HMGA2: variants seen among roughly 807,000 people sequenced by gnomAD.
HMGA2 encodes the protein high mobility group AT-hook 2.
Under a neutral mutation model 19.1 loss-of-function variants are expected in HMGA2, and 8 were observed. That is an observed-to-expected ratio of 0.42 (90% confidence interval 0.25 to 0.76). The LOEUF (loss-of-function observed/expected upper bound fraction) is 0.76. Ranked by LOEUF, HMGA2 falls within the 30% of genes least tolerant of loss-of-function variation. The probability of loss-of-function intolerance (pLI) is 0.28; values close to 1 mark genes in which losing one functional copy is unlikely to be tolerated. For synonymous variants in HMGA2, 60 were observed against 48.8 expected, an observed-to-expected ratio of 1.23 and a Z score of -0.96; for missense variants, 109 against 136.3, an observed-to-expected ratio of 0.80 and a Z score of 1.00.
chr12:65,870,461 T>C (rs549399655), intron 3 of HMGA2, among the ~76,000 whole-genome samples: 1 of 152,326 alleles, frequency 6.6e-6, no homozygotes, highest in Admixed American at 6.5e-5. Context: ...GCAGGCGTGG[T>C]GGCTCACACC....
intron 3 of HMGA2, among the ~76,000 whole-genome samples, chr12:65,849,599 C>A (rs1261247763): frequency 6.6e-6 from 1 of 152,050 alleles, no homozygotes; most frequent in Non-Finnish European, 1.5e-5. Context: ...CATTCCCAGT[C>A]CTAATTCTCC....
rs1397324838 is a variant in HMGA2, at chr12:65,963,413, G to C, written c.*121G>C. 2 of 349,058 alleles carry C rather than the reference G, an allele frequency of 5.7e-6. No homozygotes were observed. The highest frequency in any genetic ancestry group is 8.2e-5 in the Admixed American group (2 of 24,344). 21.6% of individuals were successfully genotyped at this position (349,058 alleles called of 1,614,324 possible). ...TTCCACTTTCATCTGGGGTGGGGTGGGGTGGGGTGGGGGAGGGGGGGGTGG... is the reference window on the plus strand; with the variant it reads ...TTCCACTTTCATCTGGGGTGGGGTGCGGTGGGGTGGGGGAGGGGGGGGTGG... On this transcript the variant is annotated 3_prime_UTR_variant, in exon 5 of 5. Transcript: ENST00000403681.
intron 3 of HMGA2, among the ~76,000 whole-genome samples, chr12:65,869,205 GGAAATTACCATCACCATCATCAT>G (rs1232134871): frequency 2.6e-5 from 4 of 152,088 alleles, no homozygotes; most frequent in Non-Finnish European, 5.9e-5. Flanking sequence ...ATTTAAATTA[GGAAATTACCATCACCATCATCAT>G]GTACATTCAT....
chr12:65,945,173 T>A (rs1372327312), intron 3 of HMGA2, among the ~76,000 whole-genome samples: 1 of 151,970 alleles, frequency 6.6e-6, no homozygotes, highest in African/African-American at 2.4e-5. Context: ...TTTTGTCTGC[T>A]TTCTGTTGTA....
intron 4 of HMGA2, 53 bp downstream of exon 4, chr12:65,951,468 T>C (rs1204278135): frequency 1.2e-5 from 14 of 1,158,516 alleles, no homozygotes; most frequent in Non-Finnish European, 1.8e-5. Flanking sequence ...AAGTGAAATA[T>C]GTACTGAAAA....
intron 3 of HMGA2, among the ~76,000 whole-genome samples, chr12:65,845,391 C>A (rs528252677): frequency 6.6e-6 from 1 of 152,164 alleles, no homozygotes; most frequent in African/African-American, 2.4e-5. Context: ...ATCTCAGCCT[C>A]CTGAGTAGCT....
intron 3 of HMGA2, among the ~76,000 whole-genome samples, chr12:65,927,915 A>C: frequency 6.8e-6 from 1 of 147,148 alleles, no homozygotes; most frequent in South Asian, 2.1e-4. Flanking sequence ...ATGTATATAC[A>C]TACATATTTC....
At chr12:65,903,592 G>A (rs1251034973) in intron 3 of HMGA2, among the ~76,000 whole-genome samples, 1 of 152,150 alleles carries the variant, frequency 6.6e-6, no homozygotes, top group Non-Finnish European at 1.5e-5. Context: ...ACTGTGAGAA[G>A]GATCCAAGGT....
intron 3 of HMGA2, among the ~76,000 whole-genome samples, chr12:65,847,851 T>C (rs1871293356): frequency 6.6e-6 from 1 of 152,232 alleles, no homozygotes; most frequent in Non-Finnish European, 1.5e-5. Flanking sequence ...AGTTTTTCTT[T>C]AGTGTGTATA....
At chr12:65,830,663 T>C (rs1168368701) in intron 2 of HMGA2, 1 of 151,968 alleles carries the variant, frequency 6.6e-6, no homozygotes, top group East Asian at 1.9e-4. Context: ...GATTCAGTAA[T>C]TGGCCTTGGG....
intron 1 of HMGA2, chr12:65,826,776 C>G (rs572309450): frequency 2.2e-5 from 3 of 134,798 alleles, no homozygotes; most frequent in African/African-American, 6.7e-5. Flanking sequence ...AATTGCCCCC[C>G]CTCCAAAAAA....
chr12:65,829,774 G>C (rs1234286195), intron 2 of HMGA2, among the ~76,000 whole-genome samples: 1 of 151,890 alleles, frequency 6.6e-6, no homozygotes, highest in East Asian at 1.9e-4. Context: ...ATTTTAAAAA[G>C]CTTACCACTG....
At chr12:65,834,709 T>A (rs536546907) in intron 2 of HMGA2, among the ~76,000 whole-genome samples, 13 of 152,202 alleles carry the variant, frequency 8.5e-5, no homozygotes, top group African/African-American at 2.9e-4. Flanking sequence ...CTAAGCACTG[T>A]TTTCAAGCTC....
chr12:65,864,733 G>C (rs756051161), intron 3 of HMGA2, among the ~76,000 whole-genome samples: 1 of 152,156 alleles, frequency 6.6e-6, no homozygotes, highest in Non-Finnish European at 1.5e-5. Flanking sequence ...CTTCTGGATT[G>C]TATGTGCAGT....
chr12:65,835,274 T>C (rs1039263362), intron 2 of HMGA2, among the ~76,000 whole-genome samples: 2 of 152,208 alleles, frequency 1.3e-5, no homozygotes, highest in African/African-American at 4.8e-5. Context: ...AAAACAATAT[T>C]AAAGCTGATG....
At chr12:65,901,245 G>A (rs570801661) in intron 3 of HMGA2, among the ~76,000 whole-genome samples, 8 of 152,022 alleles carry the variant, frequency 5.3e-5, no homozygotes, top group Non-Finnish European at 1.0e-4. Context: ...CAATAATTTC[G>A]GCAGCCTTTA....
chr12:65,914,423 C>G (rs1311719349), intron 3 of HMGA2, among the ~76,000 whole-genome samples: 1 of 142,438 alleles, frequency 7.0e-6, no homozygotes, highest in Non-Finnish European at 1.5e-5. Flanking sequence ...TATTCTCACT[C>G]ATAGGTGGGA....
intron 3 of HMGA2, chr12:65,866,799 C>G (rs1286320223): frequency 6.6e-6 from 3 of 457,100 alleles, no homozygotes; most frequent in African/African-American, 2.0e-5. Flanking sequence ...ATCACTAACA[C>G]TTACCTGAGA....
At chr12:65,907,345 G>A (rs1163797777) in intron 3 of HMGA2, among the ~76,000 whole-genome samples, 1 of 151,150 alleles carries the variant, frequency 6.6e-6, no homozygotes, top group Admixed American at 6.6e-5. Context: ...GGGAGGCAGA[G>A]GTTGCAGCGA....
Sources: allele counts gnomAD v4.1 joint callset (sites outside exome capture counted in the v4.1 genomes callset), GRCh38; gene constraint gnomAD v4.1.1; transcripts MANE v1.5; gene names NCBI Gene and HGNC (gene_info 2026-07-23, HGNC 2026-07-21).